PTPRN2: variants seen among roughly 807,000 people sequenced by gnomAD.
The protein encoded by PTPRN2 is receptor-type tyrosine-protein phosphatase N2.
PTPRN2 carries 74 observed loss-of-function variants against 118.8 expected under a neutral mutation model. The observed-to-expected ratio is 0.62, with a 90% CI of 0.52 to 0.76. The LOEUF (loss-of-function observed/expected upper bound fraction) is 0.76, where lower values mean the gene tolerates loss of function less well. PTPRN2 is among the 30% of genes least tolerant of loss of function. The probability of loss-of-function intolerance (pLI) is 0.00; values close to 1 mark genes in which losing one functional copy is unlikely to be tolerated. For missense variants in PTPRN2, 1,481 were observed against 1,394.4 expected, an observed-to-expected ratio of 1.06 and a Z score of -0.99; for synonymous variants, 641 against 608.0, an observed-to-expected ratio of 1.05 and a Z score of -0.80.
At chr7:157,577,170 G>A (rs942099514) in intron 18 of PTPRN2, among the ~76,000 whole-genome samples, 3 of 152,216 alleles carry the variant, frequency 2.0e-5, no homozygotes, top group Admixed American at 1.3e-4. Flanking sequence ...TCTGCTCAGT[G>A]GTTCCACTCT....
intron 9 of PTPRN2, among the ~76,000 whole-genome samples, 191 bp from the exon 10 acceptor site, chr7:158,111,106 G>A (rs1401876128): frequency 2.6e-5 from 4 of 152,204 alleles, no homozygotes; most frequent in African/African-American, 7.2e-5. Flanking sequence ...AGTGCAGTGC[G>A]GACGGGGCTG....
intron 9 of PTPRN2, among the ~76,000 whole-genome samples, chr7:158,125,921 G>A (rs1288598683): frequency 3.9e-5 from 6 of 152,172 alleles, no homozygotes; most frequent in East Asian, 1.9e-4. Flanking sequence ...CTCGTGATGC[G>A]CTCTTCTCGC....
chr7:158,424,602 C>T (rs1348340377), intron 2 of PTPRN2, among the ~76,000 whole-genome samples: 4 of 152,250 alleles, frequency 2.6e-5, no homozygotes, highest in African/African-American at 9.6e-5. Context: ...ACGCGTAATG[C>T]CCAGTGGTCA....
rs376209607 is a variant in PTPRN2, at chr7:158,493,843, AC to A, written c.113-4059del. ...CACACCTGCATGCATACACACATGCACACACTCATACATGTGAGCATACACC... is the reference window on the plus strand; with the variant it reads ...CACACCTGCATGCATACACACATGCAACACTCATACATGTGAGCATACACC... On this transcript the variant is annotated intron_variant, in intron 1 of 22. Transcript: ENST00000389418. Among the ~76,000 whole-genome samples, 47 of 151,686 alleles carry A rather than the reference AC, an allele frequency of 3.1e-4. 2 individuals carry two copies. In the South Asian group the frequency reaches 8.4e-3, roughly 27 times the overall value.
chr7:157,778,510 C>T lies in PTPRN2; in HGVS notation c.1789-95573G>A, dbSNP rs537178444. 8.6e-5 allele frequency among the ~76,000 whole-genome samples: 13 copies of T among 151,476 alleles called. No individual in the cohort carries two copies. In the East Asian group the frequency reaches 2.3e-3, roughly 27 times the overall value. ...AACATGTACACGTGAATACAGGTATCGAATGCCTATGTAAACATGTACATG... is the reference window on the plus strand; with the variant it reads ...AACATGTACACGTGAATACAGGTATTGAATGCCTATGTAAACATGTACATG... On this transcript the variant is annotated intron_variant, in intron 12 of 22. Coordinates refer to ENST00000389418, the MANE Select transcript of PTPRN2 (RefSeq NM_002847.5).
Position 157,981,995 on chromosome 7 carries a change from G to A in PTPRN2, c.1724-83258C>T, listed in dbSNP as rs1375180177. On this transcript the variant is annotated intron_variant, in intron 11 of 22. Coordinates refer to ENST00000389418, the MANE Select transcript of PTPRN2 (RefSeq NM_002847.5). ...GCAGGGTACCGCCCAGAACCCCTGA[G>A]TCATAGAGACAAGGAGGGGAATGCA... Among the ~76,000 whole-genome samples, 179 of 146,120 alleles carry A rather than the reference G, an allele frequency of 1.2e-3. 2 individuals carry two copies. Among genetic ancestry groups the A allele is most frequent in the Middle Eastern group, 3.5e-3 (1 of 286 alleles).
chr7:157,685,674 G>A (rs1797150996), intron 12 of PTPRN2, among the ~76,000 whole-genome samples: 1 of 152,218 alleles, frequency 6.6e-6, no homozygotes. Context: ...CTCCGCACGC[G>A]CGGGAGCGGA....
At position 158,510,719 on chromosome 7, in the gene PTPRN2, CTG is replaced by C. The variant is rs529977430; in HGVS notation, c.113-20936_113-20935del. Among the ~76,000 whole-genome samples, 20 of 152,236 alleles carry C rather than the reference CTG, an allele frequency of 1.3e-4. No homozygotes were observed. In the East Asian group the frequency reaches 3.7e-3, roughly 28 times the overall value. On this transcript the variant is annotated intron_variant, in intron 1 of 22. Coordinates refer to ENST00000389418, the MANE Select transcript of PTPRN2 (RefSeq NM_002847.5). ...GAGAAACAGCCATGTTCTTTAAAAA[CTG>C]AGGAAAAGAAGAGAAAGAGAAAACT...
At position 157,676,686 on chromosome 7, in the gene PTPRN2, G is replaced by A. The variant is rs1207847358; in HGVS notation, c.2001+6039C>T. Among the ~76,000 whole-genome samples, 1 of 152,226 alleles carries A rather than the reference G, an allele frequency of 6.6e-6. No homozygotes were observed. Among genetic ancestry groups the A allele is most frequent in the African/African-American group, 2.4e-5 (1 of 41,466 alleles). ...TGGGGCGCCTCTCAGTTTATCTGCTGCTGACTTTGCCCCCTTGTAAAACAG... is the reference window on the plus strand; with the variant it reads ...TGGGGCGCCTCTCAGTTTATCTGCTACTGACTTTGCCCCCTTGTAAAACAG... On this transcript the variant is annotated intron_variant, in intron 13 of 22. Transcript: ENST00000389418. The surrounding 1 kb of genome is among the most constrained non-coding windows in gnomAD (Gnocchi z 5.6).
chr7:158,432,613 C>G (rs1159704821), intron 2 of PTPRN2, among the ~76,000 whole-genome samples: 2 of 152,332 alleles, frequency 1.3e-5, no homozygotes, highest in South Asian at 4.1e-4. Context: ...TGCAAACAAA[C>G]AACAGCTATT....
chr7:158,441,816 T>C (rs893327525), intron 2 of PTPRN2, among the ~76,000 whole-genome samples: 2 of 113,414 alleles, frequency 1.8e-5, no homozygotes, highest in African/African-American at 3.4e-5. Context: ...GTGGTGGTGA[T>C]GGTGATAGTG....
intron 2 of PTPRN2, among the ~76,000 whole-genome samples, chr7:158,379,577 G>A (rs1810802153): frequency 6.6e-6 from 1 of 151,960 alleles, no homozygotes; most frequent in Non-Finnish European, 1.5e-5. Flanking sequence ...GGGTGGAGCA[G>A]GGTTCCTAAG....
intron 2 of PTPRN2, among the ~76,000 whole-genome samples, chr7:158,365,925 TGGG>T: frequency 8.0e-6 from 1 of 125,598 alleles, no homozygotes; most frequent in Non-Finnish European, 1.6e-5. Flanking sequence ...ACTGCATCCC[TGGG>T]AGAAGCCACA....
chr7:158,149,329 T>C (rs1820657674), intron 6 of PTPRN2, among the ~76,000 whole-genome samples: 1 of 152,298 alleles, frequency 6.6e-6, no homozygotes, highest in African/African-American at 2.4e-5. Flanking sequence ...TGCCTATATT[T>C]AACCCCTGGA....
At chr7:158,391,337 C>A (rs574952270) in intron 2 of PTPRN2, among the ~76,000 whole-genome samples, 1 of 152,180 alleles carries the variant, frequency 6.6e-6, no homozygotes, top group Non-Finnish European at 1.5e-5. Context: ...AACCGCGCTC[C>A]CTCTCCTGGC....
intron 1 of PTPRN2, among the ~76,000 whole-genome samples, chr7:158,502,540 G>A (rs1417877406): frequency 6.6e-6 from 1 of 152,076 alleles, no homozygotes; most frequent in Non-Finnish European, 1.5e-5. Context: ...CCTGCTCCTC[G>A]GGACGCCTTC....
At position 157,611,013 on chromosome 7, in the gene PTPRN2, G is replaced by T. The variant is rs1802297312; in HGVS notation, c.2345-6938C>A. ...GAAAGCCCTGCTACATCCAGAGATG[G>T]TCATGAAAATGAGACCTGCCCCACC... On this transcript the variant is annotated intron_variant, in intron 15 of 22. Transcript: ENST00000389418. The surrounding 1 kb of genome is among the most constrained non-coding windows in gnomAD (Gnocchi z 5.9). Among the ~76,000 whole-genome samples the T allele has an allele frequency of 6.6e-6, 1 of 152,192 alleles. No homozygotes were observed. The highest frequency in any genetic ancestry group is 1.5e-5 in the Non-Finnish European group (1 of 68,042).
intron 6 of PTPRN2, among the ~76,000 whole-genome samples, chr7:158,139,502 G>T (rs1264094823): frequency 6.6e-6 from 1 of 151,822 alleles, no homozygotes; most frequent in Non-Finnish European, 1.5e-5. Context: ...CGGGGGGGTG[G>T]GAAAGGAACC....
In PTPRN2 at chr7:158,517,385, C is replaced by T. The variant is rs1470282871; in HGVS notation, c.113-27600G>A. Among the ~76,000 whole-genome samples the T allele has an allele frequency of 6.6e-6, 1 of 152,104 alleles. No homozygotes were observed. The highest frequency in any genetic ancestry group is 1.5e-5 in the Non-Finnish European group (1 of 68,006). ...CGCACTGTGGGCTGATGGGGTGGGC[C>T]ACATATGGGGAATTCCAGAACGTGA... On this transcript the variant is annotated intron_variant, in intron 1 of 22. Transcript: ENST00000389418. This position sits in a 1 kb window ranked among gnomAD's most constrained non-coding sequence, Gnocchi z 5.3.
Sources: gnomAD v4.1 joint callset for allele counts (sites outside exome capture counted in the v4.1 genomes callset) on GRCh38, gnomAD v4.1.1 for gene constraint, Gnocchi (gnomAD v3.1) non-coding constraint, MANE v1.5 for transcripts, NCBI Gene and HGNC (gene_info 2026-07-23, HGNC 2026-07-21) for gene names.